The following IGF2BP3 variants were observed in gnomAD, a reference collection of about 807,000 sequenced individuals.
The protein encoded by IGF2BP3 is insulin-like growth factor 2 mRNA-binding protein 3.
A neutral mutation model predicts 73.8 loss-of-function variants in IGF2BP3; 9 were observed. That is an observed-to-expected ratio of 0.12 (90% CI 0.07 to 0.21). The LOEUF is 0.21. Ranked by LOEUF, IGF2BP3 falls within the 10% of genes least tolerant of loss-of-function variation. The pLI is 1.00. For synonymous variants in IGF2BP3, 258 were observed against 256.7 expected (o/e 1.01, Z -0.05); for missense variants, 542 against 714.0 (o/e 0.76, Z 2.75).
intron 2 of IGF2BP3, among the ~76,000 whole-genome samples, chr7:23,422,561 G>A (rs1034354015): frequency 6.6e-6 from 1 of 152,068 alleles, no homozygotes; most frequent in African/African-American, 2.4e-5. Flanking sequence ...TCTCACACAC[G>A]CACACAAAGC....
chr7:23,389,105 C>G (rs985401038), intron 3 of IGF2BP3, among the ~76,000 whole-genome samples: 1 of 151,746 alleles, frequency 6.6e-6, no homozygotes. Context: ...AAAAGACCTA[C>G]TAATTCAACG....
chr7:23,325,955 G>A (rs141693932), intron 10 of IGF2BP3, among the ~76,000 whole-genome samples: 3,854 of 152,040 alleles, frequency 0.025, 160 homozygotes, highest in African/African-American at 0.085. Flanking sequence ...TTAAACGTTA[G>A]ACCTAAAACC....
Position 23,327,903 on chromosome 7 carries a change from G to A in IGF2BP3, c.1204-8649C>T, listed in dbSNP as rs576569135. Among the ~76,000 whole-genome samples, 33 of 152,210 alleles carry A rather than the reference G, an allele frequency of 2.2e-4. No homozygotes were observed. In the East Asian group the frequency reaches 5.6e-3, roughly 26 times the overall value. On this transcript the variant is annotated intron_variant, in intron 10 of 14. Transcript: ENST00000258729. Reference sequence around the variant, plus strand: ...CCATGGAGAGATACTGATCACCAACGGCAGAACCCCACATCAGACACACAG... The same window carrying A: ...CCATGGAGAGATACTGATCACCAACAGCAGAACCCCACATCAGACACACAG...
At chr7:23,339,390 T>C (rs1298704336) in intron 10 of IGF2BP3, among the ~76,000 whole-genome samples, 1 of 152,218 alleles carries the variant, frequency 6.6e-6, no homozygotes, top group African/African-American at 2.4e-5. Flanking sequence ...ATTCTTAATT[T>C]TTCTAACATA....
intron 10 of IGF2BP3, among the ~76,000 whole-genome samples, chr7:23,320,910 A>G (rs1339594122): frequency 1.4e-5 from 2 of 145,180 alleles, no homozygotes; most frequent in Non-Finnish European, 3.0e-5. Flanking sequence ...AGATCACACC[A>G]CTGCTCTCCA....
chr7:23,415,060 G>C, intron 3 of IGF2BP3: 1 of 198,602 alleles, frequency 5.0e-6, no homozygotes, highest in African/African-American at 2.5e-5. Flanking sequence ...CACCCCACCC[G>C]CAGGTCCCCA....
At chr7:23,335,036 C>T (rs1414960369) in intron 10 of IGF2BP3, among the ~76,000 whole-genome samples, 3 of 133,158 alleles carry the variant, frequency 2.3e-5, no homozygotes, top group Admixed American at 1.7e-4. Context: ...GTTTACTCAA[C>T]TCCATGACCT....
intron 11 of IGF2BP3, among the ~76,000 whole-genome samples, chr7:23,318,231 T>C (rs770081442): frequency 5.9e-5 from 9 of 152,116 alleles, no homozygotes; most frequent in Non-Finnish European, 4.4e-5. Context: ...CCACATGCCT[T>C]TGTTTGTCTG....
chr7:23,432,962 C>T (rs1787722958), intron 2 of IGF2BP3, among the ~76,000 whole-genome samples: 1 of 152,124 alleles, frequency 6.6e-6, no homozygotes, highest in Non-Finnish European at 1.5e-5. Flanking sequence ...AAAAAGTCAC[C>T]ACCAGTATTA....
chr7:23,374,885 C>T (rs930955554), intron 3 of IGF2BP3, among the ~76,000 whole-genome samples: 1 of 152,060 alleles, frequency 6.6e-6, no homozygotes, highest in Non-Finnish European at 1.5e-5. Context: ...TCGGCAGGTT[C>T]CGTGATAAAT....
At chr7:23,395,787 G>A (rs368740407) in intron 3 of IGF2BP3, among the ~76,000 whole-genome samples, 6 of 151,828 alleles carry the variant, frequency 4.0e-5, no homozygotes, top group Admixed American at 1.3e-4. Context: ...TTAGCTGGGC[G>A]TGGTGACAGG....
chr7:23,418,596 A>AT (rs1401820429), intron 3 of IGF2BP3, among the ~76,000 whole-genome samples, 180 bp downstream of exon 3: 1 of 152,222 alleles, frequency 6.6e-6, no homozygotes, highest in East Asian at 1.9e-4. Context: ...CAAAGAGCAG[A>AT]TTTTTAAAAG....
chr7:23,378,401 G>GTTTTTTTTTTTT (rs373876363), intron 3 of IGF2BP3, among the ~76,000 whole-genome samples: 2 of 128,064 alleles, frequency 1.6e-5, no homozygotes, highest in Non-Finnish European at 3.1e-5. Flanking sequence ...TCTCTTCTTG[G>GTTTTTTTTTTTT]TTTTTTTTTG....
Position 23,415,285 on chromosome 7 carries a change from C to T in IGF2BP3, c.285+3491G>A, listed in dbSNP as rs114724091. 1.6e-4 allele frequency: 38 copies of T among 245,080 alleles called. No individual in the cohort carries two copies. In the East Asian group the frequency reaches 3.3e-3, roughly 21 times the overall value. The allele number at this position is 245,080 out of a possible 1,614,324, so 15.2% of individuals were successfully genotyped here. On this transcript the variant is annotated intron_variant, in intron 3 of 14. Coordinates refer to ENST00000258729, the MANE Select transcript of IGF2BP3 (RefSeq NM_006547.3). ...ATCACCGCATCACCAAGTCCCTGTA[C>T]GTCAGTCAGCATCACCACATCCGCA...
chr7:23,312,785 C>T lies in IGF2BP3; in HGVS notation c.1591G>A (p.Glu531Lys). ...ATTTTGACAACCACTTGGTCATTCT[C>T]ATCAGGTGTCTGGTCACGAGGGACA... ...VVVPRDQTPD[E>K]NDQVVVKITG... The change falls in exon 14 of 15, where the codon GAG (glutamate) becomes AAG (lysine). Residue 531 changes from glutamate (E) to lysine (K), a missense_variant. Physicochemically the swap from Glu to Lys is moderately conservative, Grantham distance 56. Coordinates refer to ENST00000258729, the MANE Select transcript of IGF2BP3 (RefSeq NM_006547.3). The T allele has an allele frequency of 6.2e-7, 1 of 1,612,798 alleles. No individual in the cohort carries two copies. The highest frequency in any genetic ancestry group is 1.1e-5 in the South Asian group (1 of 90,706).
At chr7:23,336,859 A>T (rs1562682098) in intron 10 of IGF2BP3, among the ~76,000 whole-genome samples, 1 of 152,118 alleles carries the variant, frequency 6.6e-6, no homozygotes, top group Non-Finnish European at 1.5e-5. Context: ...GAGGTATGAG[A>T]ATCACTTGAA....
chr7:23,332,801 A>T (rs576474234), intron 10 of IGF2BP3, among the ~76,000 whole-genome samples: 1 of 152,278 alleles, frequency 6.6e-6, no homozygotes, highest in East Asian at 1.9e-4. Context: ...ACTGTGCTCA[A>T]TGTTAGCATT....
intron 8 of IGF2BP3, 79 bp from the exon 9 acceptor site, chr7:23,343,932 T>C (rs1337103029): frequency 2.1e-6 from 3 of 1,444,140 alleles, no homozygotes; most frequent in Non-Finnish European, 2.8e-6. Context: ...CAGACGGCAA[T>C]TAAAAACAAA....
chr7:23,349,301 T>C (rs1043841560), intron 6 of IGF2BP3, among the ~76,000 whole-genome samples: 5 of 152,172 alleles, frequency 3.3e-5, no homozygotes, highest in Admixed American at 3.3e-4. Context: ...TTGGCTTTCA[T>C]TTTCCTAAAT....
Sources: gnomAD v4.1 joint callset for allele counts (sites outside exome capture counted in the v4.1 genomes callset) on GRCh38, gnomAD v4.1.1 for gene constraint, MANE v1.5 for transcripts, NCBI Gene and HGNC (gene_info 2026-07-23, HGNC 2026-07-21) for gene names.